MIER1: variants seen among roughly 807,000 people sequenced by gnomAD.
MIER1 encodes the protein mesoderm induction early response protein 1.
Under a neutral mutation model 75.7 loss-of-function variants are expected in MIER1, and 40 were observed. The ratio of observed to expected loss-of-function variants is 0.53; its 90% confidence interval spans 0.41 to 0.69. The LOEUF (loss-of-function observed/expected upper bound fraction) is 0.69. Among genes scored for constraint, MIER1 ranks in the 30% least tolerant of loss-of-function variants. MIER1 has a pLI of 0.00. For synonymous variants in MIER1, 213 were observed against 223.4 expected, an observed-to-expected ratio of 0.95 and a Z score of 0.42; for missense variants, 574 against 680.2, an observed-to-expected ratio of 0.84 and a Z score of 1.74.
At position 66,985,465 on chromosome 1, in the gene MIER1, A is replaced by G. The variant is rs935919727; in HGVS notation, c.*565A>G. 1.0e-6 allele frequency: 1 copy of G among 983,626 alleles called. No individual in the cohort carries two copies. Among genetic ancestry groups the G allele is most frequent in the Non-Finnish European group, 1.2e-6 (1 of 828,266 alleles). 60.9% of individuals were successfully genotyped at this position (983,626 alleles called of 1,614,324 possible). The stretch of plus-strand genomic sequence containing the variant: ...TTTTTATATATAGAAGTTTAAAAAT[A>G]AACCAGGTCAGGTTTGTATATGTAA... On this transcript the variant is annotated 3_prime_UTR_variant, in exon 14 of 14. Coordinates refer to ENST00000401041, the MANE Select transcript of MIER1 (RefSeq NM_001077700.3).
chr1:66,976,503 CT>C, intron 11 of MIER1, 91 bp from the exon 12 acceptor site: 1 of 1,271,370 alleles, frequency 7.9e-7, no homozygotes, highest in Non-Finnish European at 1.1e-6. Context: ...CAGTTAAGGA[CT>C]AGCCAAATTT....
intron 11 of MIER1, among the ~76,000 whole-genome samples, chr1:66,975,401 A>T (rs1053650542): frequency 1.3e-5 from 2 of 151,806 alleles, no homozygotes; most frequent in Non-Finnish European, 2.9e-5. Context: ...GTGGCATGCA[A>T]TTGTGGTCCC....
At chr1:66,978,620 T>C (rs1665249549) in intron 12 of MIER1, among the ~76,000 whole-genome samples, 2 of 152,218 alleles carry the variant, frequency 1.3e-5, no homozygotes. Context: ...AGGTATTATA[T>C]AGGGAAAAGC....
At chr1:66,948,038 A>T in intron 4 of MIER1, 2 of 976,750 alleles carry the variant, frequency 2.0e-6, no homozygotes, top group Non-Finnish European at 2.4e-6. Flanking sequence ...CCCCTATTCA[A>T]TGCTTTCTTT....
chr1:66,982,929 T>G (rs1200109272), intron 13 of MIER1, among the ~76,000 whole-genome samples: 1 of 152,230 alleles, frequency 6.6e-6, no homozygotes, highest in Non-Finnish European at 1.5e-5. Flanking sequence ...ATGCTGAGAC[T>G]CTGACCTTGG....
At chr1:66,938,117 A>G (rs1211696747) in intron 2 of MIER1, among the ~76,000 whole-genome samples, 1 of 152,192 alleles carries the variant, frequency 6.6e-6, no homozygotes, top group Non-Finnish European at 1.5e-5. Context: ...TGGTATCTTA[A>G]TCATTGGGAA....
At chr1:66,984,437 G>A (rs1666493089) in intron 13 of MIER1, 135 bp from the exon 14 acceptor site, 2 of 627,124 alleles carry the variant, frequency 3.2e-6, no homozygotes, top group Admixed American at 3.3e-5. Context: ...TAGCTTATAA[G>A]TAATAGAGCA....
At chr1:66,975,147 A>G (rs1444566469) in intron 11 of MIER1, among the ~76,000 whole-genome samples, 2 of 152,200 alleles carry the variant, frequency 1.3e-5, no homozygotes, top group Non-Finnish European at 2.9e-5. Context: ...AATCAGTGCT[A>G]CAGAATATTT....
chr1:66,977,196 G>A (rs1250781697), intron 12 of MIER1, among the ~76,000 whole-genome samples: 1 of 151,528 alleles, frequency 6.6e-6, no homozygotes, highest in Non-Finnish European at 1.5e-5. Context: ...TGCAGCCTCC[G>A]TCTCCCGGCT....
At chr1:66,950,709 A>AC (rs58773947) in intron 4 of MIER1, among the ~76,000 whole-genome samples, 126,914 of 152,038 alleles carry the variant, frequency 0.83, 53,359 homozygotes, top group African/African-American at 0.91. Context: ...TATACACACA[A>AC]ATTAATTATA....
At chr1:66,938,530 A>G (rs1007715120) in intron 2 of MIER1, among the ~76,000 whole-genome samples, 20 of 152,194 alleles carry the variant, frequency 1.3e-4, no homozygotes, top group African/African-American at 2.9e-4. Context: ...TTGATTTACT[A>G]TGTAATAATT....
chr1:66,930,503 G>A, intron 2 of MIER1: 2 of 1,241,754 alleles, frequency 1.6e-6, no homozygotes, highest in Non-Finnish European at 2.2e-6. Context: ...CGGCCCTGCT[G>A]GCGCCGCTGC....
chr1:66,946,792 C>A, intron 4 of MIER1: 1 of 985,008 alleles, frequency 1.0e-6, no homozygotes, highest in Non-Finnish European at 1.2e-6. Flanking sequence ...TTTTTATATT[C>A]ACTTTTCTCT....
chr1:66,977,844 T>C (rs1160949418), intron 12 of MIER1, among the ~76,000 whole-genome samples: 1 of 152,084 alleles, frequency 6.6e-6, no homozygotes, highest in Non-Finnish European at 1.5e-5. Context: ...AAAAAAAAAT[T>C]GACTTTGTCA....
chr1:66,955,352 T>G (rs1659904399), intron 4 of MIER1, among the ~76,000 whole-genome samples: 1 of 143,174 alleles, frequency 7.0e-6, no homozygotes, highest in Non-Finnish European at 1.5e-5. Context: ...TTTTTTTTTT[T>G]TTTTTTTTTT....
chr1:66,951,813 C>T (rs1005791638), intron 4 of MIER1, among the ~76,000 whole-genome samples: 8 of 152,120 alleles, frequency 5.3e-5, no homozygotes, highest in African/African-American at 1.9e-4. Context: ...TATCAGCCCT[C>T]TTATTTCACA....
intron 4 of MIER1, among the ~76,000 whole-genome samples, chr1:66,953,578 A>G (rs1320258514): frequency 6.6e-6 from 1 of 151,334 alleles, no homozygotes; most frequent in African/African-American, 2.4e-5. Context: ...AATACTAGTA[A>G]GTAAGCATTT....
rs1667002853 is a variant in MIER1 at position 66,988,026 on chromosome 1, A to G, written c.*3126A>G. 1 of 152,316 alleles carries G rather than the reference A, an allele frequency of 6.6e-6. No homozygotes were observed. Among genetic ancestry groups the G allele is most frequent in the Non-Finnish European group, 1.5e-5 (1 of 68,022 alleles). 9.4% of individuals were successfully genotyped at this position (152,316 alleles called of 1,614,324 possible). A position where few individuals can be genotyped will look rare whatever the true frequency, so the allele number is the denominator to read the frequency against. On this transcript the variant is annotated 3_prime_UTR_variant, in exon 14 of 14. Transcript: ENST00000401041. ...TTTGCAAAATAAAACTTGTTTTGTC[A>G]CAATATTTTCTTTGCTATCGATGGA... is the stretch of plus-strand genomic sequence containing the variant.
intron 1 of MIER1, chr1:66,925,323 T>C: frequency 1.0e-6 from 1 of 985,384 alleles, no homozygotes; most frequent in African/African-American, 1.7e-5. Context: ...ATCGACTGCC[T>C]CCCAGCGCCG....
Sources: gnomAD v4.1 joint callset for allele counts (sites outside exome capture counted in the v4.1 genomes callset) on GRCh38, gnomAD v4.1.1 for gene constraint, MANE v1.5 for transcripts, NCBI Gene and HGNC (gene_info 2026-07-23, HGNC 2026-07-21) for gene names.